Variants in USH2A observed in about 807,000 individuals in gnomAD.
USH2A encodes the protein usherin.
A neutral mutation model predicts 538.9 loss-of-function variants in USH2A; 443 were observed. That is an observed-to-expected ratio of 0.82 (90% confidence interval 0.76 to 0.89). The LOEUF is 0.89. Ranked by LOEUF, USH2A falls within the 40% of genes least tolerant of loss-of-function variation. The pLI, the probability that USH2A is intolerant of heterozygous loss-of-function variation, is 0.00. For missense variants in USH2A, 6,633 were observed against 6,324.8 expected, an observed-to-expected ratio of 1.05 and a Z score of -1.65; for synonymous variants, 2,413 against 2,273.5, an observed-to-expected ratio of 1.06 and a Z score of -1.75.
intron 3 of USH2A, among the ~76,000 whole-genome samples, chr1:216,380,265 G>A (rs1457025581): frequency 6.6e-6 from 1 of 152,056 alleles, no homozygotes; most frequent in African/African-American, 2.4e-5. Flanking sequence ...TCAAAACACA[G>A]CTTCTAAAAA....
At position 216,418,618 on chromosome 1, in the gene USH2A, CTT is replaced by C. The variant is rs780779563; in HGVS notation, c.545_546del (p.Lys182ArgfsTer33). Reference protein sequence around the residue: ...QIVFKLTISEKETMFYYRTVN... With the variant: ...QIVFKLTISEXETMFYYRTVN... ...ACTGTGCGATAATAAAACATGGTCT[CTT>C]TCTCAGATATTGTAAGTTTGAACAC... On this transcript the variant is annotated frameshift_variant, in exon 3 of 72. Coordinates refer to ENST00000307340, the MANE Select transcript of USH2A (RefSeq NM_206933.4). LOFTEE classifies it high-confidence loss of function. The C allele has an allele frequency of 1.9e-6, 3 of 1,613,338 alleles. No homozygotes were observed. The highest frequency in any genetic ancestry group is 2.5e-6 in the Non-Finnish European group (3 of 1,179,574).
At position 215,900,880 on chromosome 1, in the gene USH2A, C is replaced by G; in HGVS notation, c.7326G>C (p.Arg2442Ser). 1.9e-6 allele frequency: 3 copies of G among 1,613,568 alleles called. No homozygotes were observed. The highest frequency in any genetic ancestry group is 2.5e-6 in the Non-Finnish European group (3 of 1,179,720). The part of the protein sequence containing the change: ...PGAPDGVLPP[R>S]LSSATPTSLQ... ...GACTGGTTGGAGTGGCAGATGAAAG[C>G]CTGGGAGGCAGCACGCCATCTGGAG... is the stretch of plus-strand genomic sequence containing the variant. The change falls in exon 39 of 72, where the codon AGG (arginine) becomes AGC (serine). Residue 2442 changes from arginine to serine, a missense_variant. Physicochemically the swap from Arg to Ser is moderately radical, Grantham distance 110 (BLOSUM62 -1). Transcript: ENST00000307340.
At chr1:215,849,967 C>T (rs1384989051) in intron 44 of USH2A, among the ~76,000 whole-genome samples, 1 of 135,428 alleles carries the variant, frequency 7.4e-6, no homozygotes, top group Non-Finnish European at 1.5e-5. Context: ...ATTTAGAGAA[C>T]ATAAAACTAA....
At chr1:216,168,605 G>C (rs1452281087) in intron 21 of USH2A, among the ~76,000 whole-genome samples, 1 of 152,092 alleles carries the variant, frequency 6.6e-6, no homozygotes, top group Non-Finnish European at 1.5e-5. Context: ...GGACCTGTCT[G>C]CCTTTGTATG....
chr1:215,655,723 T>C (rs1017440280), intron 64 of USH2A, among the ~76,000 whole-genome samples: 2 of 141,888 alleles, frequency 1.4e-5, no homozygotes, highest in African/African-American at 5.2e-5. Flanking sequence ...GTGCTAGTTA[T>C]TCTTTTTTTT....
intron 37 of USH2A, among the ~76,000 whole-genome samples, chr1:215,953,949 G>A (rs1046020178): frequency 1.3e-5 from 2 of 151,978 alleles, no homozygotes; most frequent in African/African-American, 4.8e-5. Context: ...TGCAGCCAAA[G>A]GACACATGAA....
At chr1:216,009,426 A>C (rs1668489130) in intron 32 of USH2A, among the ~76,000 whole-genome samples, 2 of 152,146 alleles carry the variant, frequency 1.3e-5, no homozygotes, top group Non-Finnish European at 2.9e-5. Flanking sequence ...AGAAAACAGC[A>C]CTTTCAATTT....
At chr1:216,138,008 C>T (rs570381427) in intron 21 of USH2A, among the ~76,000 whole-genome samples, 12 of 152,220 alleles carry the variant, frequency 7.9e-5, no homozygotes, top group African/African-American at 2.9e-4. Context: ...GTCAAATCTA[C>T]TAACAATTTA....
At chr1:215,977,595 C>T (rs551193306) in intron 35 of USH2A, among the ~76,000 whole-genome samples, 24 of 152,236 alleles carry the variant, frequency 1.6e-4, no homozygotes, top group African/African-American at 5.3e-4. Context: ...CAACCTCCGC[C>T]TCCCAGGAGG....
chr1:216,151,657 C>T (rs2033835799), intron 21 of USH2A, among the ~76,000 whole-genome samples: 1 of 152,130 alleles, frequency 6.6e-6, no homozygotes. Context: ...AGTTGTCCTC[C>T]AAAACCGCCG....
chr1:215,682,511 T>C lies in USH2A; in HGVS notation c.12067-2135A>G, dbSNP rs529107533. On this transcript the variant is annotated intron_variant, in intron 61 of 71. Coordinates refer to ENST00000307340, the MANE Select transcript of USH2A (RefSeq NM_206933.4). ...TCATCCAACACACTCCAGGCAACCATTAAAAAAATAACAAAACTGATTTCA... is the reference window on the plus strand; with the variant it reads ...TCATCCAACACACTCCAGGCAACCACTAAAAAAATAACAAAACTGATTTCA... Among the ~76,000 whole-genome samples the C allele has an allele frequency of 1.3e-3, 202 of 152,226 alleles. 1 individual carries two copies. The highest frequency in any genetic ancestry group is 4.7e-3 in the African/African-American group (196 of 41,554).
intron 15 of USH2A, among the ~76,000 whole-genome samples, chr1:216,211,430 G>A (rs970268563): frequency 2.6e-5 from 4 of 152,136 alleles, no homozygotes. Flanking sequence ...AGAATTGCTT[G>A]TTCAACTATG....
At chr1:215,750,108 T>C (rs780319073) in intron 58 of USH2A, among the ~76,000 whole-genome samples, 48 of 152,150 alleles carry the variant, frequency 3.2e-4, no homozygotes, top group Non-Finnish European at 1.0e-4. Context: ...GGAAAAACTA[T>C]TAATTCGGTT....
chr1:215,779,212 TCTC>T (rs926851724), intron 55 of USH2A, among the ~76,000 whole-genome samples: 73 of 152,300 alleles, frequency 4.8e-4, no homozygotes, highest in African/African-American at 1.6e-3. Context: ...AGAAAATGCT[TCTC>T]CTCCCTTCAG....
chr1:215,984,737 G>A (rs1186451419), intron 35 of USH2A, among the ~76,000 whole-genome samples: 1 of 152,160 alleles, frequency 6.6e-6, no homozygotes, highest in East Asian at 1.9e-4. Context: ...CAATGCTTTA[G>A]TGTGTCATAA....
In USH2A at chr1:216,283,422, T is replaced by A. The variant is rs114637719; in HGVS notation, c.1971+5858A>T. 6.5e-3 allele frequency among the ~76,000 whole-genome samples: 990 copies of A among 152,332 alleles called. 8 individuals are homozygous for A. The highest frequency in any genetic ancestry group is 9.5e-3 in the Non-Finnish European group (645 of 68,024). ...ATTAGTTTTAATACTTTTGAATTAA[T>A]TCCTTAGGATTTTCTATCTATAAGA... is the stretch of plus-strand genomic sequence containing the variant. On this transcript the variant is annotated intron_variant, in intron 11 of 71. Coordinates refer to ENST00000307340, the MANE Select transcript of USH2A (RefSeq NM_206933.4).
intron 11 of USH2A, among the ~76,000 whole-genome samples, chr1:216,262,582 C>A (rs1333669178): frequency 6.6e-6 from 1 of 151,952 alleles, no homozygotes; most frequent in African/African-American, 2.4e-5. Context: ...ACTTGTGGGA[C>A]ACCATTAAGC....
chr1:215,941,228 A>G (rs1209916405), intron 37 of USH2A, among the ~76,000 whole-genome samples: 2 of 152,094 alleles, frequency 1.3e-5, no homozygotes, highest in Admixed American at 1.3e-4. Flanking sequence ...TAAAAATGAA[A>G]GATATATGTA....
At chr1:216,346,325 T>A (rs1281512942) in intron 4 of USH2A, among the ~76,000 whole-genome samples, 1 of 152,010 alleles carries the variant, frequency 6.6e-6, no homozygotes, top group Admixed American at 6.6e-5. Context: ...ACAGACCCCA[T>A]TTTGAGAAAA....
Sources: allele counts gnomAD v4.1 joint callset (sites outside exome capture counted in the v4.1 genomes callset), GRCh38; gene constraint gnomAD v4.1.1; transcripts MANE v1.5; gene names NCBI Gene and HGNC (gene_info 2026-07-23, HGNC 2026-07-21).